The following MSRA variants were observed in gnomAD, a reference collection of about 807,000 sequenced individuals.
The protein encoded by MSRA is methionine sulfoxide reductase A, also known as mitochondrial peptide methionine sulfoxide reductase.
Under a neutral mutation model 31.3 loss-of-function variants are expected in MSRA, and 54 were observed. The observed-to-expected ratio is 1.73, with a 90% CI of 1.39 to 2.17. MSRA has a LOEUF of 2.17. Ranked by LOEUF, MSRA falls within the 30% of genes most tolerant of loss-of-function variation. MSRA has a pLI of 0.00. For missense variants in MSRA, 507 were observed against 300.9 expected, an observed-to-expected ratio of 1.69 and a Z score of -5.07; for synonymous variants, 169 against 116.5, an observed-to-expected ratio of 1.45 and a Z score of -2.90.
rs1477931996 is a variant in MSRA, at chr8:10,319,903, C to T, written c.457C>T (p.His153Tyr). 6.4e-7 allele frequency: 1 copy of T among 1,570,474 alleles called. No homozygotes were observed. The highest frequency in any genetic ancestry group is 8.6e-7 in the Non-Finnish European group (1 of 1,158,048). Residue 153 changes from histidine (H) to tyrosine (Y), a missense_variant, in exon 5 of 6, where the codon CAT becomes TAT. Physicochemically the swap from His to Tyr is moderately conservative, Grantham distance 83. Transcript: ENST00000317173. ...CCTAGGTATGCGCCAGGGGAACGAC[C>T]ATGGCACTCAGTACCGCTCGGCCAT... ...PTQGMRQGND[H>Y]GTQYRSAIYP...
chr8:10,205,762 C>G (rs1243195457), intron 1 of MSRA, among the ~76,000 whole-genome samples: 1 of 152,158 alleles, frequency 6.6e-6, no homozygotes, highest in Non-Finnish European at 1.5e-5. Flanking sequence ...TTCTGCCAGT[C>G]TTTTCACATA....
chr8:10,287,033 TC>T (rs1441229193), intron 3 of MSRA, among the ~76,000 whole-genome samples: 2 of 152,248 alleles, frequency 1.3e-5, no homozygotes, highest in Non-Finnish European at 2.9e-5. Flanking sequence ...TGGCACAGTT[TC>T]CCAGCACTTC....
intron 3 of MSRA, among the ~76,000 whole-genome samples, chr8:10,288,964 A>C (rs1800083870): frequency 6.7e-6 from 1 of 149,878 alleles, no homozygotes; most frequent in African/African-American, 2.5e-5. Flanking sequence ...GGTGAGCTTC[A>C]ATAGGAGTGC....
At chr8:10,345,750 A>G (rs1475204884) in intron 5 of MSRA, among the ~76,000 whole-genome samples, 1 of 152,150 alleles carries the variant, frequency 6.6e-6, no homozygotes, top group African/African-American at 2.4e-5. Flanking sequence ...TTTTAAGCTC[A>G]CTCTAAAAAG....
intron 4 of MSRA, among the ~76,000 whole-genome samples, chr8:10,303,846 C>A (rs1800981155): frequency 6.6e-6 from 1 of 152,248 alleles, no homozygotes; most frequent in Non-Finnish European, 1.5e-5. Context: ...GTAACAGTAA[C>A]AAAAATCCTT....
At chr8:10,406,640 G>A (rs1460957523) in intron 5 of MSRA, among the ~76,000 whole-genome samples, 1 of 152,168 alleles carries the variant, frequency 6.6e-6, no homozygotes, top group African/African-American at 2.4e-5. Flanking sequence ...TTTCCCTCCT[G>A]GCATAAGTTA....
intron 3 of MSRA, among the ~76,000 whole-genome samples, chr8:10,266,508 G>A (rs1798755024): frequency 6.6e-6 from 1 of 152,016 alleles, no homozygotes; most frequent in African/African-American, 2.4e-5. Flanking sequence ...ATAATGATTT[G>A]CAAATATTTT....
chr8:10,319,404 A>C (rs920913695), intron 4 of MSRA, among the ~76,000 whole-genome samples: 1 of 152,148 alleles, frequency 6.6e-6, no homozygotes, highest in African/African-American at 2.4e-5. Flanking sequence ...GACTTTAGTC[A>C]TAGGTGCAGG....
intron 3 of MSRA, among the ~76,000 whole-genome samples, chr8:10,259,880 G>A (rs78904780): frequency 3.9e-4 from 60 of 152,286 alleles, no homozygotes; most frequent in African/African-American, 1.2e-3. Flanking sequence ...TTCCTGACTC[G>A]GGCTCTGCCC....
At chr8:10,350,563 C>G (rs1205086215) in intron 5 of MSRA, among the ~76,000 whole-genome samples, 3 of 152,194 alleles carry the variant, frequency 2.0e-5, no homozygotes, top group African/African-American at 7.2e-5. Context: ...GATGTCTCAC[C>G]GAATTGGAAC....
At chr8:10,413,221 C>A (rs1413236208) in intron 5 of MSRA, among the ~76,000 whole-genome samples, 1 of 152,204 alleles carries the variant, frequency 6.6e-6, no homozygotes, top group Non-Finnish European at 1.5e-5. Context: ...CCTGAAGCTT[C>A]CTGTGCTCTA....
At chr8:10,303,984 G>A (rs1053944667) in intron 4 of MSRA, among the ~76,000 whole-genome samples, 24 of 152,138 alleles carry the variant, frequency 1.6e-4, no homozygotes, top group African/African-American at 5.3e-4. Context: ...TGCTCAAGCT[G>A]GAGTGCAGTG....
chr8:10,284,269 A>C (rs575101162), intron 3 of MSRA, among the ~76,000 whole-genome samples: 1 of 151,902 alleles, frequency 6.6e-6, no homozygotes, highest in Non-Finnish European at 1.5e-5. Context: ...GCTCACTGCA[A>C]CCTCCACCTC....
intron 1 of MSRA, among the ~76,000 whole-genome samples, chr8:10,115,742 C>T (rs1331922687): frequency 6.6e-6 from 1 of 152,152 alleles, no homozygotes; most frequent in African/African-American, 2.4e-5. Flanking sequence ...GAGGAGGATA[C>T]ACTGGTCCCG....
intron 5 of MSRA, among the ~76,000 whole-genome samples, chr8:10,331,059 C>T (rs923581841): frequency 6.6e-6 from 1 of 152,174 alleles, no homozygotes; most frequent in South Asian, 2.1e-4. Flanking sequence ...TTGCTGCACA[C>T]AGAAGTCATG....
Position 10,256,898 on chromosome 8 carries a change from G to A in MSRA, c.331+11675G>A, listed in dbSNP as rs562349320. 3.7e-4 allele frequency among the ~76,000 whole-genome samples: 56 copies of A among 152,230 alleles called. 1 individual carries two copies. Among genetic ancestry groups the A allele is most frequent in the African/African-American group, 1.3e-3 (54 of 41,548 alleles). ...TGCCCTCCTTCTCCTGCCCCAAATGGCTACCAAGGTGGGTCCAGAAGAAAC... is the reference window on the plus strand; with the variant it reads ...TGCCCTCCTTCTCCTGCCCCAAATGACTACCAAGGTGGGTCCAGAAGAAAC... On this transcript the variant is annotated intron_variant, in intron 3 of 5. Coordinates refer to ENST00000317173, the MANE Select transcript of MSRA (RefSeq NM_012331.5).
chr8:10,394,327 C>T (rs1360064387), intron 5 of MSRA, among the ~76,000 whole-genome samples: 4 of 152,142 alleles, frequency 2.6e-5, no homozygotes, highest in Non-Finnish European at 5.9e-5. Context: ...TGTACCAGAT[C>T]CTACCACACA....
At chr8:10,423,424 G>T (rs1373910992) in intron 5 of MSRA, among the ~76,000 whole-genome samples, 1 of 152,142 alleles carries the variant, frequency 6.6e-6, no homozygotes, top group Admixed American at 6.5e-5. Flanking sequence ...AGTGCAGGAA[G>T]GGGGCTCAGG....
At chr8:10,378,679 C>T (rs1020192676) in intron 5 of MSRA, among the ~76,000 whole-genome samples, 3 of 152,238 alleles carry the variant, frequency 2.0e-5, no homozygotes, top group Non-Finnish European at 4.4e-5. Flanking sequence ...TGATTCTCAA[C>T]ATGTGGTCCC....
Sources: gnomAD v4.1 joint callset for allele counts (sites outside exome capture counted in the v4.1 genomes callset) on GRCh38, gnomAD v4.1.1 for gene constraint, MANE v1.5 for transcripts, NCBI Gene and HGNC (gene_info 2026-07-23, HGNC 2026-07-21) for gene names.